The following SETD1A variants were observed in gnomAD, a reference collection of about 807,000 sequenced individuals.
SETD1A encodes histone-lysine N-methyltransferase SETD1A.
In SETD1A, 29 loss-of-function variants were observed where a neutral mutation model predicts 149.9. The ratio of observed to expected loss-of-function variants is 0.19; its 90% CI spans 0.14 to 0.26. The LOEUF (loss-of-function observed/expected upper bound fraction) is 0.26, where lower values mean the gene tolerates loss of function less well. Among genes scored for constraint, SETD1A ranks in the 10% least tolerant of loss-of-function variants. The probability of loss-of-function intolerance (pLI) is 1.00; values close to 1 mark genes in which losing one functional copy is unlikely to be tolerated. For missense variants in SETD1A, 2,109 were observed against 2,353.1 expected, an observed-to-expected ratio of 0.90 and a Z score of 2.15; for synonymous variants, 1,141 against 968.5, an observed-to-expected ratio of 1.18 and a Z score of -3.31.
chr16:30,959,207 TG>T (rs2056012105), intron 3 of SETD1A, 21 bp downstream of exon 3: 2 of 1,485,916 alleles, frequency 1.3e-6, no homozygotes, highest in Non-Finnish European at 1.9e-6. Context: ...GCTGGGCTCC[TG>T]GTGTGGTAGT....
chr16:30,966,199 C>T lies in SETD1A; in HGVS notation c.2318C>T (p.Pro773Leu). The T allele has an allele frequency of 1.2e-6, 2 of 1,612,970 alleles. No homozygotes were observed. The highest frequency in any genetic ancestry group is 1.7e-6 in the Non-Finnish European group (2 of 1,179,694). Residue 773 changes from proline (P) to leucine (L), a missense_variant, in exon 8 of 19, where the codon CCC becomes CTC. By Grantham distance (98) the Pro-to-Leu change is moderately conservative. Around this residue, in one of 8 missense-constraint regions of SETD1A, gnomAD observed 431 missense variants for 388.6 expected, o/e 1.11. Coordinates refer to ENST00000262519, the MANE Select transcript of SETD1A (RefSeq NM_014712.3). ...SVSGEEARLP[P>L]REEAELAEGK... ...TCGGGAGAGGAGGCCCGGCTGCCAC[C>T]CAGGGAAGAAGCAGAGCTGGCAGAG...
At chr16:30,974,870 C>T (rs927551494) in intron 13 of SETD1A, among the ~76,000 whole-genome samples, 1 of 151,986 alleles carries the variant, frequency 6.6e-6, no homozygotes, top group Admixed American at 6.6e-5. Flanking sequence ...AGGCTGGGTG[C>T]GGTGGCTCAC....
chr16:30,959,357 A>T (rs1191777127), intron 3 of SETD1A, among the ~76,000 whole-genome samples, 171 bp downstream of exon 3: 2 of 152,212 alleles, frequency 1.3e-5, no homozygotes, highest in African/African-American at 4.8e-5. Context: ...TTAATCTTCC[A>T]GAAAGGTGCA....
chr16:30,968,812 A>T (rs996085140), intron 10 of SETD1A, among the ~76,000 whole-genome samples: 1 of 150,716 alleles, frequency 6.6e-6, no homozygotes, highest in Non-Finnish European at 1.5e-5. Context: ...AAAAAAAAAT[A>T]TATATATATA....
At position 30,983,347 on chromosome 16, in the gene SETD1A, TGA is replaced by T. The variant is rs2056406553; in HGVS notation, c.4813-287_4813-286del. 6.6e-6 allele frequency among the ~76,000 whole-genome samples: 1 copy of T among 152,192 alleles called. No homozygotes were observed. Among genetic ancestry groups the T allele is most frequent in the Non-Finnish European group, 1.5e-5 (1 of 68,030 alleles). On this transcript the variant is annotated intron_variant, in intron 17 of 18. Transcript: ENST00000262519. The surrounding 1 kb of genome is among the most constrained non-coding windows in gnomAD (Gnocchi z 6.8). ...GCCCCAGCAGTCCGGGACCCCACTGTGACCAGGCAGATGCTCGAAGGAGTCAG... is the reference window on the plus strand; with the variant it reads ...GCCCCAGCAGTCCGGGACCCCACTGTCCAGGCAGATGCTCGAAGGAGTCAG...
intron 1 of SETD1A, chr16:30,958,485 G>A: frequency 1.9e-6 from 1 of 522,496 alleles, no homozygotes; most frequent in Non-Finnish European, 3.4e-6. Context: ...AGGTAAGGGG[G>A]CTCGAGACGG....
At chr16:30,967,677 C>A in intron 10 of SETD1A, 89 bp downstream of exon 10, 1 of 1,105,080 alleles carries the variant, frequency 9.0e-7, no homozygotes. Flanking sequence ...TCAGGTCGTC[C>A]TGAGGGCACA....
rs745970879 is a variant in SETD1A, at chr16:30,958,737, T to A, written c.6T>A (p.Asp2Glu). 1 of 1,614,006 alleles carries A rather than the reference T, an allele frequency of 6.2e-7. No homozygotes were observed. The highest frequency in any genetic ancestry group is 8.5e-7 in the Non-Finnish European group (1 of 1,179,938). M[D>E]QEGGGDGQKA... ...AACAGTGTAAATGAGCAAAGATGGA[T>A]CAGGAAGGTGGGGGAGATGGGCAGA... The change falls in exon 2 of 19, where the codon GAT (aspartate) becomes GAA (glutamate). Residue 2 changes from aspartate to glutamate, a missense_variant. Physicochemically the swap from Asp to Glu is conservative, Grantham distance 45. Coordinates refer to ENST00000262519, the MANE Select transcript of SETD1A (RefSeq NM_014712.3).
chr16:30,960,471 G>A (rs1348477152), intron 3 of SETD1A, among the ~76,000 whole-genome samples: 2 of 152,150 alleles, frequency 1.3e-5, no homozygotes, highest in African/African-American at 4.8e-5. Context: ...ATTCTTCCCT[G>A]ATCATACTCT....
chr16:30,974,396 G>A (rs556575119), intron 13 of SETD1A, among the ~76,000 whole-genome samples: 24 of 152,162 alleles, frequency 1.6e-4, no homozygotes, highest in African/African-American at 4.8e-5. Flanking sequence ...TAGGCGAGTG[G>A]GGGGAGAGAA....
intron 4 of SETD1A, among the ~76,000 whole-genome samples, chr16:30,962,271 G>A (rs1242155923): frequency 6.6e-6 from 1 of 152,096 alleles, no homozygotes; most frequent in Non-Finnish European, 1.5e-5. Flanking sequence ...CACCCTGTTA[G>A]CCAGGCTGGT....
intron 13 of SETD1A, among the ~76,000 whole-genome samples, chr16:30,972,432 C>T (rs188214176): frequency 1.3e-5 from 2 of 151,656 alleles, no homozygotes; most frequent in East Asian, 3.9e-4. Context: ...GTCAGGAGAT[C>T]GAGACCATCC....
At chr16:30,973,949 G>A (rs961656305) in intron 13 of SETD1A, among the ~76,000 whole-genome samples, 2 of 152,092 alleles carry the variant, frequency 1.3e-5, no homozygotes, top group African/African-American at 4.8e-5. Context: ...GAAGGAGAGG[G>A]GCCTGACCAT....
Position 30,965,936 on chromosome 16 carries a change from G to C in SETD1A, c.2055G>C (p.Gln685His). The C allele has an allele frequency of 6.2e-7, 1 of 1,611,216 alleles. No individual in the cohort carries two copies. The highest frequency in any genetic ancestry group is 8.5e-7 in the Non-Finnish European group (1 of 1,178,746). The change falls in exon 8 of 19, where the codon CAG (glutamine) becomes CAC (histidine). Residue 685 changes from glutamine (Q) to histidine (H), a missense_variant. Coordinates refer to ENST00000262519, the MANE Select transcript of SETD1A (RefSeq NM_014712.3). ...CCATGTCCTTCCAGATGCAGACCCA[G>C]ATGTTAACTCGGCTCCATCAGCTGC... ...GMPMSFQMQT[Q>H]MLTRLHQLRQ...
At chr16:30,976,557 G>A (rs2056287089) in intron 13 of SETD1A, among the ~76,000 whole-genome samples, 1 of 152,120 alleles carries the variant, frequency 6.6e-6, no homozygotes, top group Non-Finnish European at 1.5e-5. Context: ...CAGGGTGGAG[G>A]AGGAAGTTGG....
At position 30,959,094 on chromosome 16, in the gene SETD1A, T is replaced by C; in HGVS notation, c.154T>C (p.Ser52Pro). 6.2e-7 allele frequency: 1 copy of C among 1,610,806 alleles called. No individual in the cohort carries two copies. Among genetic ancestry groups the C allele is most frequent in the Non-Finnish European group, 8.5e-7 (1 of 1,176,998 alleles). The change falls in exon 3 of 19, where the codon TCA (serine) becomes CCA (proline). Residue 52 changes from serine to proline, a missense_variant. Coordinates refer to ENST00000262519, the MANE Select transcript of SETD1A (RefSeq NM_014712.3). ...YDGVHFSVNDSKYIPVEDLQD... is the reference protein window; with the variant it reads ...YDGVHFSVNDPKYIPVEDLQD... ...CTGCTGCTGCTTTCCTTCCTAGGAC[T>C]CAAAGTATATACCAGTCGAAGACCT...
Position 30,983,836 on chromosome 16 carries a change from C to T in SETD1A, c.4951-14C>T. On this transcript the variant is annotated splice_polypyrimidine_tract_variant and intron_variant, in intron 18 of 18. Transcript: ENST00000262519. This position sits in a 1 kb window ranked among gnomAD's most constrained non-coding sequence, Gnocchi z 6.8. ...GTGGGGGTGGCCACGGCTCACACGC[C>T]CTTCCATCCGCAGCCTAACTGCTAC... 5 of 1,610,402 alleles carry T rather than the reference C, an allele frequency of 3.1e-6. No individual in the cohort carries two copies. Among genetic ancestry groups the T allele is most frequent in the Non-Finnish European group, 4.2e-6 (5 of 1,177,796 alleles).
At chr16:30,981,951 T>C (rs1199467513) in intron 17 of SETD1A, among the ~76,000 whole-genome samples, 3 of 151,502 alleles carry the variant, frequency 2.0e-5, no homozygotes, top group African/African-American at 4.9e-5. Context: ...ACCGTGTCTC[T>C]AGAAAAAACA....
At chr16:30,975,297 G>A (rs866844188) in intron 13 of SETD1A, among the ~76,000 whole-genome samples, 3 of 152,246 alleles carry the variant, frequency 2.0e-5, no homozygotes, top group Admixed American at 6.5e-5. Flanking sequence ...GCGACAGAGC[G>A]AGACTTCGTC....
Sources: gnomAD v4.1 joint callset for allele counts (sites outside exome capture counted in the v4.1 genomes callset) on GRCh38, gnomAD v4.1.1 for gene constraint, gnomAD v4.1.1 regional missense constraint, Gnocchi (gnomAD v3.1) non-coding constraint, MANE v1.5 for transcripts, NCBI Gene and HGNC (gene_info 2026-07-23, HGNC 2026-07-21) for gene names.